Variants in ROBO1 observed in about 807,000 individuals in gnomAD.
The protein encoded by ROBO1 is roundabout homolog 1.
ROBO1 carries 149 observed loss-of-function variants against 195.9 expected under a neutral mutation model. The ratio of observed to expected loss-of-function variants is 0.76; its 90% CI spans 0.67 to 0.87. The LOEUF (loss-of-function observed/expected upper bound fraction) is 0.87, where lower values mean the gene tolerates loss of function less well. Among genes scored for constraint, ROBO1 ranks in the 40% least tolerant of loss-of-function variants. The pLI is 0.00. For missense variants in ROBO1, 1,933 were observed against 2,068.3 expected (o/e 0.93, Z 1.27); for synonymous variants, 816 against 733.2 (o/e 1.11, Z -1.82).
At chr3:79,734,789 A>G (rs538065752) in intron 1 of ROBO1, among the ~76,000 whole-genome samples, 17 of 150,920 alleles carry the variant, frequency 1.1e-4, no homozygotes, top group African/African-American at 3.6e-4. Context: ...ATGGGCACCA[A>G]TGCTGCCAGT....
intron 2 of ROBO1, among the ~76,000 whole-genome samples, chr3:79,450,808 T>C (rs2039419597): frequency 6.6e-6 from 1 of 151,944 alleles, no homozygotes; most frequent in African/African-American, 2.4e-5. Flanking sequence ...GACAACTAAA[T>C]GATAAAAATA....
intron 3 of ROBO1, among the ~76,000 whole-genome samples, chr3:78,963,111 T>A (rs1045784148): frequency 8.4e-5 from 12 of 143,686 alleles, no homozygotes; most frequent in Middle Eastern, 3.6e-3. Context: ...ATATATATAT[T>A]ACCTTGCAAT....
rs1705823370 is a variant in ROBO1 at position 78,639,830 on chromosome 3, C to A, written c.2951G>T (p.Gly984Val). 1.9e-6 allele frequency: 3 copies of A among 1,613,220 alleles called. No individual in the cohort carries two copies. Among genetic ancestry groups the A allele is most frequent in the Non-Finnish European group, 2.5e-6 (3 of 1,179,538 alleles). ...GATGGAGCAGTCATTGTGGTTGTTG[C>A]CAGTATTAGGCCACGTGTCTGCCAG... is the stretch of plus-strand genomic sequence containing the variant. ...PWLADTWPNT[G>V]NNHNDCSISC... is the part of the protein sequence containing the mutation. Residue 984 changes from glycine (G) to valine (V), a missense_variant, in exon 22 of 31, where the codon GGC becomes GTC. Physicochemically the swap from Gly to Val is moderately radical, Grantham distance 109. Around this residue, in one of 3 missense-constraint regions of ROBO1, gnomAD observed 1,737 missense variants for 1,882.5 expected, o/e 0.92. Coordinates refer to ENST00000464233, the MANE Select transcript of ROBO1 (RefSeq NM_002941.4).
intron 4 of ROBO1, among the ~76,000 whole-genome samples, chr3:78,792,310 T>G (rs974198466): frequency 1.3e-5 from 2 of 152,246 alleles, no homozygotes; most frequent in Non-Finnish European, 2.9e-5. Context: ...TTAATTTTGA[T>G]CTGGAATGTG....
At chr3:79,208,840 A>C (rs1252821270) in intron 2 of ROBO1, among the ~76,000 whole-genome samples, 1 of 151,806 alleles carries the variant, frequency 6.6e-6, no homozygotes, top group East Asian at 1.9e-4. Flanking sequence ...ATCTTGAATG[A>C]CTGCAACCTT....
chr3:78,881,049 G>A (rs1433572299), intron 4 of ROBO1, among the ~76,000 whole-genome samples: 3 of 152,122 alleles, frequency 2.0e-5, no homozygotes, highest in African/African-American at 4.8e-5. Context: ...ATTGGCTGCC[G>A]CAACAATTTC....
intron 1 of ROBO1, among the ~76,000 whole-genome samples, chr3:79,651,000 TA>T (rs1197602240): frequency 6.6e-6 from 1 of 152,124 alleles, no homozygotes; most frequent in Non-Finnish European, 1.5e-5. Context: ...GGAATATGGA[TA>T]TTTTGGGCTA....
chr3:78,919,837 G>T (rs367936670), intron 4 of ROBO1, among the ~76,000 whole-genome samples: 3 of 152,166 alleles, frequency 2.0e-5, no homozygotes, highest in East Asian at 1.9e-4. Flanking sequence ...TTTATTGGAG[G>T]AATCCATTTT....
intron 2 of ROBO1, among the ~76,000 whole-genome samples, chr3:79,370,313 G>C (rs1193268659): frequency 6.6e-6 from 1 of 151,892 alleles, no homozygotes; most frequent in Non-Finnish European, 1.5e-5. Context: ...AACTGAGATG[G>C]CCCCCCTGTA....
chr3:78,873,621 C>G (rs1370925676), intron 4 of ROBO1, among the ~76,000 whole-genome samples: 1 of 151,894 alleles, frequency 6.6e-6, no homozygotes, highest in Admixed American at 6.6e-5. Flanking sequence ...ATAAAGGGCT[C>G]AATATAAAAT....
At chr3:78,963,386 A>C (rs1208240675) in intron 3 of ROBO1, among the ~76,000 whole-genome samples, 2 of 151,170 alleles carry the variant, frequency 1.3e-5, no homozygotes, top group Admixed American at 1.3e-4. Context: ...TGGGTTAGAA[A>C]TAATTTGAGT....
At chr3:79,581,879 T>C (rs1226741730) in intron 2 of ROBO1, among the ~76,000 whole-genome samples, 2 of 152,062 alleles carry the variant, frequency 1.3e-5, no homozygotes, top group Non-Finnish European at 2.9e-5. Context: ...ATCATATATA[T>C]ACAACAAATA....
intron 2 of ROBO1, among the ~76,000 whole-genome samples, chr3:79,522,884 A>G (rs1402723859): frequency 1.3e-5 from 2 of 152,128 alleles, no homozygotes; most frequent in Non-Finnish European, 1.5e-5. Flanking sequence ...GGGAGGTCAT[A>G]CCTATAAAAG....
intron 2 of ROBO1, among the ~76,000 whole-genome samples, chr3:79,214,770 T>G (rs866119923): frequency 2.9e-4 from 43 of 147,016 alleles, no homozygotes; most frequent in African/African-American, 1.0e-3. Context: ...TAGCATATAT[T>G]ATAGCATATA....
chr3:79,520,835 G>T (rs150303944), intron 2 of ROBO1, among the ~76,000 whole-genome samples: 2 of 147,726 alleles, frequency 1.4e-5, no homozygotes, highest in Non-Finnish European at 3.0e-5. Context: ...AAGCAAACCA[G>T]AGCCAAAAAA....
intron 4 of ROBO1, among the ~76,000 whole-genome samples, chr3:78,813,180 A>G (rs2084794806): frequency 6.6e-6 from 1 of 152,096 alleles, no homozygotes; most frequent in Non-Finnish European, 1.5e-5. Flanking sequence ...CAATATTCAA[A>G]TAATAAGGAA....
At chr3:79,097,161 A>T (rs1361155520) in intron 3 of ROBO1, among the ~76,000 whole-genome samples, 3 of 151,876 alleles carry the variant, frequency 2.0e-5, no homozygotes, top group Non-Finnish European at 2.9e-5. Flanking sequence ...CAGAGTCTAC[A>T]CATGGAACCA....
intron 28 of ROBO1, among the ~76,000 whole-genome samples, chr3:78,608,020 T>TACACACACACACACACACACACACACAC (rs56715450): frequency 6.7e-6 from 1 of 149,766 alleles, no homozygotes; most frequent in African/African-American, 2.5e-5. Flanking sequence ...TAATTTCATT[T>TACACACACACACACACACACACACACAC]ACACACACAC....
At chr3:78,987,923 TTATA>T (rs1423428948) in intron 3 of ROBO1, among the ~76,000 whole-genome samples, 1 of 152,098 alleles carries the variant, frequency 6.6e-6, no homozygotes, top group Non-Finnish European at 1.5e-5. Context: ...CATAATTATA[TTATA>T]TAAAGTTGCT....
Sources: gnomAD v4.1 joint callset for allele counts (sites outside exome capture counted in the v4.1 genomes callset) on GRCh38, gnomAD v4.1.1 for gene constraint, gnomAD v4.1.1 regional missense constraint, MANE v1.5 for transcripts, NCBI Gene and HGNC (gene_info 2026-07-23, HGNC 2026-07-21) for gene names.